Variants in DCBLD1 observed in about 807,000 individuals in gnomAD.
DCBLD1 encodes discoidin, CUB and LCCL domain containing 1.
Under a neutral mutation model 71.5 loss-of-function variants are expected in DCBLD1, and 57 were observed. The ratio of observed to expected loss-of-function variants is 0.80; its 90% CI spans 0.64 to 0.99. The LOEUF (loss-of-function observed/expected upper bound fraction) is 0.99, where lower values mean the gene tolerates loss of function less well. Among genes scored for constraint, DCBLD1 ranks in the 50% least tolerant of loss-of-function variants. DCBLD1 has a pLI of 0.00. For synonymous variants in DCBLD1, 380 were observed against 363.8 expected (o/e 1.04, Z -0.51); for missense variants, 891 against 923.5 (o/e 0.96, Z 0.46).
In DCBLD1 at chr6:117,482,832, G is replaced by A; in HGVS notation, c.51G>A (p.Arg17=). ...GGGALARAAG[R]GLLALLLAVS... is the part of the protein sequence containing the mutation. ...GCGCACTGGCGCGGGCTGCCGGGCG[G>A]GGCCTCCTGGCTTTGCTGCTCGCGG... Residue 17 remains arginine (R), a synonymous_variant, in exon 1 of 15, where the codon CGG becomes CGA. Transcript: ENST00000338728. 1 of 1,170,882 alleles carries A rather than the reference G, an allele frequency of 8.5e-7. No homozygotes were observed. The highest frequency in any genetic ancestry group is 4.0e-5 in the East Asian group (1 of 25,296). The allele number at this position is 1,170,882 out of a possible 1,614,324, so 72.5% of individuals were successfully genotyped here. A position where few individuals can be genotyped will look rare whatever the true frequency, so the allele number is the denominator to read the frequency against.
intron 4 of DCBLD1, among the ~76,000 whole-genome samples, chr6:117,524,070 C>G (rs186105233): frequency 6.6e-6 from 1 of 152,322 alleles, no homozygotes; most frequent in Non-Finnish European, 1.5e-5. Flanking sequence ...CAGGGTCCCA[C>G]TGCTAGCTAG....
chr6:117,563,639 T>C lies in DCBLD1; in HGVS notation c.1616-5981T>C, dbSNP rs530633593. Among the ~76,000 whole-genome samples, 10 of 151,976 alleles carry C rather than the reference T, an allele frequency of 6.6e-5. No homozygotes were observed. The highest frequency in any genetic ancestry group is 2.4e-4 in the African/African-American group (10 of 41,432). On this transcript the variant is annotated intron_variant, in intron 14 of 14. Coordinates refer to the DCBLD1 transcript ENST00000296955. ...TGGGAGACTGAGGAAGGAGAATCAC[T>C]TGAAGCCAGGAAGTGGAGGTTGCAG...
chr6:117,534,179 G>T lies in DCBLD1; in HGVS notation c.719+1786G>T, dbSNP rs1011735143. 2.0e-5 allele frequency among the ~76,000 whole-genome samples: 3 copies of T among 152,188 alleles called. No individual in the cohort carries two copies. In the East Asian group the frequency reaches 5.8e-4, roughly 29 times the overall value. ...AATTAGTCTCTAAATTTGTGCCAAGGTTTAAGATCCAAAGGTTTAGTAACA... is the reference window on the plus strand; with the variant it reads ...AATTAGTCTCTAAATTTGTGCCAAGTTTTAAGATCCAAAGGTTTAGTAACA... On this transcript the variant is annotated intron_variant, in intron 6 of 14. Transcript: ENST00000338728.
intron 14 of DCBLD1, among the ~76,000 whole-genome samples, chr6:117,564,364 A>AT (rs1779651045): frequency 6.6e-6 from 1 of 152,150 alleles, no homozygotes; most frequent in Non-Finnish European, 1.5e-5. Context: ...TTATATTTTT[A>AT]TTTTTCATTG....
At chr6:117,534,598 C>G (rs536515430) in intron 6 of DCBLD1, among the ~76,000 whole-genome samples, 14 of 152,200 alleles carry the variant, frequency 9.2e-5, no homozygotes, top group African/African-American at 3.4e-4. Flanking sequence ...TTGAATGCCC[C>G]TTTTGTAGGA....
intron 1 of DCBLD1, 24 bp downstream of exon 1, chr6:117,482,917 C>T: frequency 2.6e-6 from 3 of 1,175,378 alleles, no homozygotes; most frequent in African/African-American, 1.6e-5. Context: ...GTCCGGCTGG[C>T]GGCGGGACCC....
rs1437379296 is a variant in DCBLD1, at chr6:117,503,974, A to G, written c.320A>G (p.Gln107Arg). ...CTTCTCTTCACCAGCTCTTCAGATC[A>G]ATATGGTAAGAAAAGAGAACTAGGT... Reference protein sequence around the residue: ...DYLLFTSSSDQYGPYCGSMTV... With the variant: ...DYLLFTSSSDRYGPYCGSMTV... The change falls in exon 2 of 15, where the codon CAA becomes CGA. Residue 107 changes from glutamine (Q) to arginine (R), a missense_variant. Transcript: ENST00000338728. The G allele has an allele frequency of 3.1e-6, 5 of 1,613,966 alleles. No homozygotes were observed. The highest frequency in any genetic ancestry group is 4.2e-6 in the Non-Finnish European group (5 of 1,179,980).
In DCBLD1 at chr6:117,548,478, G is replaced by A. The variant is rs1407456947; in HGVS notation, c.*39G>A. 6.5e-6 allele frequency: 10 copies of A among 1,547,894 alleles called. No homozygotes were observed. The highest frequency in any genetic ancestry group is 3.3e-4 in the Middle Eastern group (2 of 5,992). On this transcript the variant is annotated 3_prime_UTR_variant, in exon 15 of 15. Transcript: ENST00000338728. Reference sequence around the variant, plus strand: ...GAAGCCTGCTGTGGTACTGAGCGTCGGGCTGTCACAAGGCACTGGAAGAAG... The same window carrying A: ...GAAGCCTGCTGTGGTACTGAGCGTCAGGCTGTCACAAGGCACTGGAAGAAG...
intron 2 of DCBLD1, among the ~76,000 whole-genome samples, chr6:117,505,974 G>A (rs148792922): frequency 7.7e-4 from 117 of 152,182 alleles, no homozygotes; most frequent in African/African-American, 2.6e-3. Context: ...CAATTCATTC[G>A]CAGCAATAAA....
rs879141330 is a variant in DCBLD1 at position 117,521,654 on chromosome 6, G to A, written c.512+78G>A. On this transcript the variant is annotated intron_variant, in intron 4 of 14. Coordinates refer to ENST00000338728, the MANE Select transcript of DCBLD1 (RefSeq NM_001366458.2). ...TTTTCTTTCACGTTAAACCAGATAC[G>A]TTTGTACTTAAAGCTCTTTTTACCA... 35 of 1,243,436 alleles carry A rather than the reference G, an allele frequency of 2.8e-5. No homozygotes were observed. In the Admixed American group the frequency reaches 4.7e-4, roughly 17 times the overall value. The allele number at this position is 1,243,436 out of a possible 1,614,324, so 77.0% of individuals were successfully genotyped here.
At chr6:117,490,343 A>G (rs1474651738) in intron 1 of DCBLD1, among the ~76,000 whole-genome samples, 1 of 152,178 alleles carries the variant, frequency 6.6e-6, no homozygotes, top group African/African-American at 2.4e-5. Context: ...GAAAAATTCC[A>G]TATTTATATT....
chr6:117,483,951 G>T (rs907115311), intron 1 of DCBLD1, among the ~76,000 whole-genome samples: 6 of 151,938 alleles, frequency 3.9e-5, no homozygotes, highest in Admixed American at 2.6e-4. Flanking sequence ...GGTGGTGGTG[G>T]TTCCTAAGTT....
intron 5 of DCBLD1, among the ~76,000 whole-genome samples, chr6:117,528,533 A>C (rs914153235): frequency 1.3e-5 from 2 of 152,168 alleles, no homozygotes; most frequent in Non-Finnish European, 2.9e-5. Context: ...AGTTAAGAAA[A>C]TTCTGGGATG....
chr6:117,500,883 A>T (rs1285530724), intron 1 of DCBLD1, among the ~76,000 whole-genome samples: 5 of 152,074 alleles, frequency 3.3e-5, no homozygotes, highest in Non-Finnish European at 5.9e-5. Context: ...GTGACACCCT[A>T]AGATTTTCTT....
chr6:117,501,754 T>C (rs1419991912), intron 1 of DCBLD1, among the ~76,000 whole-genome samples: 1 of 152,222 alleles, frequency 6.6e-6, no homozygotes, highest in Admixed American at 6.5e-5. Flanking sequence ...ACACTATGCT[T>C]CTCTCTTGTA....
At chr6:117,537,047 T>C in intron 6 of DCBLD1, 138 bp from the exon 7 acceptor site, 1 of 760,648 alleles carries the variant, frequency 1.3e-6, no homozygotes, top group Non-Finnish European at 2.3e-6. Flanking sequence ...ATAATAGCAG[T>C]AGGTTTGCAG....
chr6:117,559,773 T>C (rs181721814), intron 14 of DCBLD1, among the ~76,000 whole-genome samples: 12 of 152,312 alleles, frequency 7.9e-5, no homozygotes, highest in Admixed American at 6.5e-4. Context: ...AAAATACAAG[T>C]TCTCTTTAAA....
chr6:117,508,731 G>C (rs916885257), intron 2 of DCBLD1, among the ~76,000 whole-genome samples: 1 of 152,162 alleles, frequency 6.6e-6, no homozygotes, highest in Non-Finnish European at 1.5e-5. Flanking sequence ...TTGGGTCCGA[G>C]TTTTCCCTTG....
At chr6:117,561,087 C>T (rs747190541) in intron 14 of DCBLD1, 48 of 223,502 alleles carry the variant, frequency 2.1e-4, no homozygotes, top group Admixed American at 1.6e-3. Flanking sequence ...CGGTGCTCTC[C>T]CGTAGGCTTA....
Sources: allele counts gnomAD v4.1 joint callset (sites outside exome capture counted in the v4.1 genomes callset), GRCh38; gene constraint gnomAD v4.1.1; transcripts MANE v1.5; gene names NCBI Gene and HGNC (gene_info 2026-07-23, HGNC 2026-07-21).